CAB39: variants seen among roughly 807,000 people sequenced by gnomAD.
CAB39 encodes the protein calcium binding protein 39.
A neutral mutation model predicts 40.0 loss-of-function variants in CAB39; 8 were observed. That is an observed-to-expected ratio of 0.20 (90% CI 0.12 to 0.36). The LOEUF (loss-of-function observed/expected upper bound fraction) is 0.36. Among genes scored for constraint, CAB39 ranks in the 10% least tolerant of loss-of-function variants. The pLI is 1.00. For missense variants in CAB39, 270 were observed against 401.1 expected, an observed-to-expected ratio of 0.67 and a Z score of 2.79; for synonymous variants, 156 against 141.6, an observed-to-expected ratio of 1.10 and a Z score of -0.72.
chr2:230,817,939 G>T (rs762981755), intron 8 of CAB39, 42 bp downstream of exon 8: 9 of 1,551,462 alleles, frequency 5.8e-6, no homozygotes, highest in Non-Finnish European at 6.1e-6. Context: ...CACTGGAATT[G>T]TTCGTCGTCT....
At chr2:230,767,525 A>G (rs1029385573) in intron 2 of CAB39, among the ~76,000 whole-genome samples, 19 of 151,808 alleles carry the variant, frequency 1.3e-4, no homozygotes, top group Non-Finnish European at 1.9e-4. Context: ...AAGTCCTAAC[A>G]GGGGCCTAAA....
At chr2:230,786,975 C>T (rs1451518223) in intron 2 of CAB39, among the ~76,000 whole-genome samples, 2 of 152,114 alleles carry the variant, frequency 1.3e-5, no homozygotes, top group African/African-American at 2.4e-5. Flanking sequence ...AGTGTAGTAA[C>T]AGCAGGCTGG....
At chr2:230,763,591 C>CAA (rs946866086) in intron 2 of CAB39, among the ~76,000 whole-genome samples, 11 of 130,786 alleles carry the variant, frequency 8.4e-5, no homozygotes, top group Non-Finnish European at 1.6e-5. Flanking sequence ...GATTCTGTCT[C>CAA]AAAAAAAAAA....
At chr2:230,802,826 G>C (rs1482496479) in intron 5 of CAB39, among the ~76,000 whole-genome samples, 26 of 152,134 alleles carry the variant, frequency 1.7e-4, no homozygotes, top group Admixed American at 1.6e-3. Context: ...TTCTGCCAGA[G>C]GTACAAGGAG....
intron 1 of CAB39, 127 bp from the exon 2 acceptor site, chr2:230,759,832 T>A (rs939250374): frequency 8.3e-6 from 4 of 484,434 alleles, no homozygotes; most frequent in Non-Finnish European, 1.5e-5. Flanking sequence ...TCCCTGTTCC[T>A]ACTGATTTTG....
chr2:230,765,390 A>G (rs1474221584), intron 2 of CAB39, among the ~76,000 whole-genome samples: 1 of 152,080 alleles, frequency 6.6e-6, no homozygotes, highest in Non-Finnish European at 1.5e-5. Context: ...CAGAGGGAGG[A>G]AGCACATGTC....
intron 1 of CAB39, among the ~76,000 whole-genome samples, chr2:230,714,293 G>T (rs1434268849): frequency 6.6e-6 from 1 of 152,196 alleles, no homozygotes; most frequent in Non-Finnish European, 1.5e-5. Flanking sequence ...AGGCGCTCTT[G>T]TGAAAGGAGA....
chr2:230,720,164 G>A (rs1694421485), intron 1 of CAB39, among the ~76,000 whole-genome samples: 2 of 152,178 alleles, frequency 1.3e-5, no homozygotes, highest in South Asian at 2.1e-4. Context: ...GGCGAGTTGT[G>A]TGTTTTAGGG....
intron 1 of CAB39, among the ~76,000 whole-genome samples, chr2:230,735,915 A>G (rs1694781160): frequency 6.6e-6 from 1 of 152,170 alleles, no homozygotes; most frequent in Non-Finnish European, 1.5e-5. Context: ...ACTTGGAAGT[A>G]TTTTCATTCA....
intron 2 of CAB39, among the ~76,000 whole-genome samples, 164 bp from the exon 3 acceptor site, chr2:230,790,708 G>A (rs1419351992): frequency 2.0e-5 from 3 of 152,182 alleles, no homozygotes; most frequent in African/African-American, 2.4e-5. Context: ...CAGACATAGC[G>A]CCCAGCTCCT....
intron 1 of CAB39, among the ~76,000 whole-genome samples, chr2:230,741,913 C>G (rs1694884248): frequency 6.6e-6 from 1 of 152,058 alleles, no homozygotes; most frequent in Non-Finnish European, 1.5e-5. Flanking sequence ...ATTTTTTTGT[C>G]TATAACTAAG....
intron 2 of CAB39, among the ~76,000 whole-genome samples, chr2:230,777,352 T>C (rs1202255017): frequency 6.7e-6 from 1 of 149,436 alleles, no homozygotes; most frequent in Non-Finnish European, 1.5e-5. Flanking sequence ...AACCTGTTGG[T>C]GTTTTTTTTG....
At chr2:230,718,955 T>G (rs1234754348) in intron 1 of CAB39, among the ~76,000 whole-genome samples, 1 of 152,262 alleles carries the variant, frequency 6.6e-6, no homozygotes, top group Non-Finnish European at 1.5e-5. Context: ...TCATACTTTA[T>G]GCAGTAATGT....
At chr2:230,793,081 T>C in intron 3 of CAB39, 132 bp from the exon 4 acceptor site, 1 of 594,734 alleles carries the variant, frequency 1.7e-6, no homozygotes, top group Middle Eastern at 2.7e-4. Context: ...ATTTAATGTC[T>C]ATGAATGTGT....
chr2:230,810,316 T>C lies in CAB39; in HGVS notation c.621T>C (p.Tyr207=). Residue 207 remains tyrosine (Y), a synonymous_variant, in exon 6 of 9, where the codon TAT becomes TAC. Coordinates refer to ENST00000258418, the MANE Select transcript of CAB39 (RefSeq NM_016289.4). ...GTGCAGAATTTTTGGAACAGCATTATGATAGAGTAAGTATATGAAATACTA... is the reference window on the plus strand; with the variant it reads ...GTGCAGAATTTTTGGAACAGCATTACGATAGAGTAAGTATATGAAATACTA... The part of the protein sequence containing the change: ...LLSAEFLEQH[Y]DRFFSEYEKL... The C allele has an allele frequency of 7.7e-7, 1 of 1,306,504 alleles. No individual in the cohort carries two copies. The highest frequency in any genetic ancestry group is 2.1e-5 in the Admixed American group (1 of 46,966). The allele number at this position is 1,306,504 out of a possible 1,614,324, so 80.9% of individuals were successfully genotyped here. A position where few individuals can be genotyped will look rare whatever the true frequency, so the allele number is the denominator to read the frequency against.
intron 1 of CAB39, chr2:230,725,286 C>G (rs1488247677): frequency 6.3e-7 from 1 of 1,575,112 alleles, no homozygotes; most frequent in African/African-American, 1.4e-5. Flanking sequence ...TAGGCCTTGT[C>G]AAAGCCCCTT....
chr2:230,765,236 G>A (rs1575930635), intron 2 of CAB39, among the ~76,000 whole-genome samples: 4 of 152,084 alleles, frequency 2.6e-5, no homozygotes, highest in South Asian at 4.1e-4. Flanking sequence ...TGATCCACCC[G>A]CCTTGGCCTC....
chr2:230,796,762 G>A (rs1023925116), intron 4 of CAB39, among the ~76,000 whole-genome samples: 1 of 152,082 alleles, frequency 6.6e-6, no homozygotes. Context: ...GGCAAGGGTT[G>A]ATAAAAGGAA....
intron 1 of CAB39, among the ~76,000 whole-genome samples, chr2:230,732,707 T>TAGATCAGCC (rs1301516651): frequency 6.6e-6 from 1 of 152,150 alleles, no homozygotes; most frequent in African/African-American, 2.4e-5. Context: ...TGAGATCAGT[T>TAGATCAGCC]AGATCAGCCT....
Sources: allele counts gnomAD v4.1 joint callset (sites outside exome capture counted in the v4.1 genomes callset), GRCh38; gene constraint gnomAD v4.1.1; transcripts MANE v1.5; gene names NCBI Gene and HGNC (gene_info 2026-07-23, HGNC 2026-07-21).